The following PI4KA variants were observed in gnomAD, a reference collection of about 807,000 sequenced individuals.
The protein encoded by PI4KA is phosphatidylinositol 4-kinase alpha, also known as PI4-kinase alpha.
PI4KA carries 122 observed loss-of-function variants against 271.4 expected under a neutral mutation model. The observed-to-expected ratio is 0.45, with a 90% CI of 0.39 to 0.52. The LOEUF (loss-of-function observed/expected upper bound fraction) is 0.52. PI4KA is among the 20% of genes least tolerant of loss of function. The pLI, the probability that PI4KA is intolerant of heterozygous loss-of-function variation, is 0.00. For missense variants in PI4KA, 1,969 were observed against 2,769.1 expected, an observed-to-expected ratio of 0.71 and a Z score of 6.48; for synonymous variants, 1,041 against 1,078.8, an observed-to-expected ratio of 0.96 and a Z score of 0.69.
At chr22:20,801,679 T>A (rs764995206) in intron 14 of PI4KA, among the ~76,000 whole-genome samples, 19 of 151,656 alleles carry the variant, frequency 1.3e-4, no homozygotes, top group Non-Finnish European at 2.2e-4. Context: ...AGGTCAGGAG[T>A]TCGAGACCAG....
intron 42 of PI4KA, among the ~76,000 whole-genome samples, chr22:20,722,755 T>C (rs1926890841): frequency 6.6e-6 from 1 of 152,172 alleles, no homozygotes; most frequent in Non-Finnish European, 1.5e-5. Flanking sequence ...TGGTGAAGTG[T>C]CCCTTGGATG....
intron 6 of PI4KA, among the ~76,000 whole-genome samples, chr22:20,818,958 G>A (rs1248553791): frequency 1.3e-5 from 2 of 152,172 alleles, no homozygotes; most frequent in African/African-American, 2.4e-5. Flanking sequence ...ACCACCTGTA[G>A]GGTATTTGAT....
At chr22:20,807,053 A>T (rs1484472365) in intron 10 of PI4KA, among the ~76,000 whole-genome samples, 1 of 152,128 alleles carries the variant, frequency 6.6e-6, no homozygotes, top group Non-Finnish European at 1.5e-5. Flanking sequence ...AATTTTTTAA[A>T]CTATCTAAAT....
At chr22:20,816,539 T>G (rs1208591237) in intron 7 of PI4KA, among the ~76,000 whole-genome samples, 2 of 152,170 alleles carry the variant, frequency 1.3e-5, no homozygotes, top group East Asian at 3.9e-4. Context: ...GTTGTATACC[T>G]GAAGTCCCAG....
chr22:20,737,851 G>A (rs930139792), intron 32 of PI4KA, among the ~76,000 whole-genome samples: 3 of 152,084 alleles, frequency 2.0e-5, no homozygotes, highest in East Asian at 1.9e-4. Flanking sequence ...GGCTGGTCTC[G>A]ATCTCCCGAC....
intron 17 of PI4KA, among the ~76,000 whole-genome samples, chr22:20,797,091 T>A (rs529030732): frequency 6.6e-6 from 1 of 152,182 alleles, no homozygotes; most frequent in Admixed American, 6.5e-5. Flanking sequence ...CGTGAAGCAC[T>A]AAGCATGTCG....
chr22:20,814,255 T>C (rs1334406401), intron 7 of PI4KA, among the ~76,000 whole-genome samples: 1 of 152,062 alleles, frequency 6.6e-6, no homozygotes, highest in Non-Finnish European at 1.5e-5. Flanking sequence ...AAAAGACAAA[T>C]ACTGTACGAT....
intron 36 of PI4KA, among the ~76,000 whole-genome samples, chr22:20,730,335 C>T (rs531084007): frequency 2.6e-5 from 4 of 152,216 alleles, no homozygotes; most frequent in African/African-American, 9.6e-5. Context: ...AGTGCAATGA[C>T]GTGATCTCAG....
At chr22:20,814,888 G>T (rs1272259817) in intron 7 of PI4KA, among the ~76,000 whole-genome samples, 1 of 151,944 alleles carries the variant, frequency 6.6e-6, no homozygotes, top group Non-Finnish European at 1.5e-5. Flanking sequence ...CCAATGCAGT[G>T]GCTCACACAT....
At chr22:20,820,457 C>T in intron 5 of PI4KA, 82 bp downstream of exon 5, 1 of 911,230 alleles carries the variant, frequency 1.1e-6, no homozygotes, top group South Asian at 1.4e-5. Context: ...ATTAGGTACC[C>T]AACAACAGAA....
At chr22:20,796,536 A>G (rs1934997555) in intron 17 of PI4KA, among the ~76,000 whole-genome samples, 1 of 152,212 alleles carries the variant, frequency 6.6e-6, no homozygotes. Flanking sequence ...AATGACTGCA[A>G]TCCTCTCTCC....
rs138968860 is a variant in PI4KA, at chr22:20,830,955, T to C, written c.367+3607A>G. Among the ~76,000 whole-genome samples the C allele has an allele frequency of 2.1e-3, 322 of 152,230 alleles. 3 individuals carry two copies. Among genetic ancestry groups the C allele is most frequent in the African/African-American group, 7.2e-3 (301 of 41,536 alleles). ...CTCAGCTAATTTTTTGTCTTTTTAG[T>C]GGAAACGGGGTTTCACCATGTTGGC... On this transcript the variant is annotated intron_variant, in intron 3 of 54. Transcript: ENST00000255882.
chr22:20,745,496 T>C (rs964912403), intron 29 of PI4KA, among the ~76,000 whole-genome samples: 1 of 152,046 alleles, frequency 6.6e-6, no homozygotes, highest in African/African-American at 2.4e-5. Flanking sequence ...TGAGGGGACA[T>C]GGTGTGGAGA....
chr22:20,822,812 G>C (rs1337664146), intron 4 of PI4KA, among the ~76,000 whole-genome samples: 2 of 152,174 alleles, frequency 1.3e-5, no homozygotes, highest in African/African-American at 2.4e-5. Context: ...AATGAAGTTG[G>C]TGTGACATGA....
chr22:20,832,921 T>C (rs1924381018), intron 3 of PI4KA, among the ~76,000 whole-genome samples: 1 of 152,254 alleles, frequency 6.6e-6, no homozygotes, highest in South Asian at 2.1e-4. Flanking sequence ...TAAGAACCAC[T>C]GCTGGGGAAC....
chr22:20,744,896 T>G (rs1436575203), intron 29 of PI4KA, among the ~76,000 whole-genome samples, 176 bp from the exon 30 acceptor site: 2 of 152,148 alleles, frequency 1.3e-5, no homozygotes, highest in Non-Finnish European at 2.9e-5. Flanking sequence ...ACCCAGCAGT[T>G]TGATATGTTC....
At position 20,760,639 on chromosome 22, in the gene PI4KA, G is replaced by A. The variant is rs566982612; in HGVS notation, c.2791+665C>T. The stretch of plus-strand genomic sequence containing the variant: ...TAGAGGACACTTCCATCAATCCAGA[G>A]GGTCTCCTGGTAACCTTCCCAGTTT... On this transcript the variant is annotated intron_variant, in intron 23 of 54. Coordinates refer to ENST00000255882, the MANE Select transcript of PI4KA (RefSeq NM_058004.4). Among the ~76,000 whole-genome samples the A allele has an allele frequency of 1.1e-4, 16 of 152,230 alleles. No individual in the cohort carries two copies. In the East Asian group the frequency reaches 2.9e-3, roughly 28 times the overall value.
At chr22:20,852,062 T>G (rs1927051500) in intron 1 of PI4KA, among the ~76,000 whole-genome samples, 1 of 152,108 alleles carries the variant, frequency 6.6e-6, no homozygotes, top group African/African-American at 2.4e-5. Context: ...AGGCAGAGCT[T>G]GCAGTGAGCA....
Position 20,721,663 on chromosome 22 carries a change from T to C in PI4KA, c.4996-245A>G, listed in dbSNP as rs2147205736. ...AAGCGGGCGACAGTCAGCCTTTGTC[T>C]CCTCTGTGTCTTCCCATGGGTTTAA... is the stretch of plus-strand genomic sequence containing the variant. On this transcript the variant is annotated intron_variant, in intron 42 of 54. Transcript: ENST00000255882. The C allele has an allele frequency of 6.1e-6, 3 of 489,218 alleles. No individual in the cohort carries two copies. In the East Asian group the frequency reaches 9.7e-5, roughly 16 times the overall value. The allele number at this position is 489,218 out of a possible 1,614,324, so 30.3% of individuals were successfully genotyped here.
Sources: allele counts gnomAD v4.1 joint callset (sites outside exome capture counted in the v4.1 genomes callset), GRCh38; gene constraint gnomAD v4.1.1; transcripts MANE v1.5; gene names NCBI Gene and HGNC (gene_info 2026-07-23, HGNC 2026-07-21).